The following QSER1 variants were observed in gnomAD, a reference collection of about 807,000 sequenced individuals.
QSER1 encodes glutamine and serine rich 1, also known as glutamine and serine-rich protein 1.
A neutral mutation model predicts 158.5 loss-of-function variants in QSER1; 49 were observed. That is an observed-to-expected ratio of 0.31 (90% confidence interval 0.25 to 0.39). The LOEUF is 0.39. Among genes scored for constraint, QSER1 ranks in the 10% least tolerant of loss-of-function variants. QSER1 has a pLI of 1.00. For missense variants in QSER1, 1,754 were observed against 2,010.3 expected (o/e 0.87, Z 2.44); for synonymous variants, 650 against 715.5 (o/e 0.91, Z 1.46).
chr11:32,931,901 A>C lies in QSER1; in HGVS notation c.643A>C (p.Asn215His). The C allele has an allele frequency of 6.2e-7, 1 of 1,614,168 alleles. No homozygotes were observed. The highest frequency in any genetic ancestry group is 8.5e-7 in the Non-Finnish European group (1 of 1,180,024). Residue 215 changes from asparagine to histidine, a missense_variant, in exon 4 of 13, where the codon AAC (asparagine) becomes CAC (histidine). Physicochemically the swap from Asn to His is moderately conservative, Grantham distance 68. This residue lies in a region of QSER1 where 1,707 missense variants were observed against 1,919.6 expected (regional missense o/e 0.89). Transcript: ENST00000650167. ...SPLVLQDSTF[N>H]TTSNGILSHH... ...TTTGGTGCTTCAGGATTCAACTTTT[A>C]ACACTACATCAAATGGAATTTTAAG...
chr11:32,948,069 T>A (rs1338027000), intron 4 of QSER1, among the ~76,000 whole-genome samples: 1 of 152,220 alleles, frequency 6.6e-6, no homozygotes, highest in Non-Finnish European at 1.5e-5. Flanking sequence ...CAGTATTCCC[T>A]GGGTACAGTG....
At chr11:32,897,228 A>G (rs927269406) in intron 1 of QSER1, among the ~76,000 whole-genome samples, 1 of 152,212 alleles carries the variant, frequency 6.6e-6, no homozygotes, top group Admixed American at 6.5e-5. Context: ...GGATAGAGAC[A>G]TGAAGTAATT....
chr11:32,955,482 T>C (rs74893802), intron 6 of QSER1, 70 bp downstream of exon 6: 17,339 of 724,822 alleles, frequency 0.024, 320 homozygotes, highest in South Asian at 0.037. Context: ...GATTTAAATA[T>C]AGAAGTATTT....
rs1852983542 is a variant in QSER1 at position 32,976,650 on chromosome 11, C to T, written c.*176C>T. On this transcript the variant is annotated 3_prime_UTR_variant, in exon 13 of 13. Coordinates refer to ENST00000650167, the MANE Select transcript of QSER1 (RefSeq NM_001076786.3). ...TGCGGCCTTTAGGAACGAAGTTAGTCCTCTGGAAATGGACCTAAATCCCAC... is the reference window on the plus strand; with the variant it reads ...TGCGGCCTTTAGGAACGAAGTTAGTTCTCTGGAAATGGACCTAAATCCCAC... 3.2e-6 allele frequency: 2 copies of T among 631,398 alleles called. No individual in the cohort carries two copies. The highest frequency in any genetic ancestry group is 3.8e-5 in the Admixed American group (1 of 26,552). The allele number at this position is 631,398 out of a possible 1,614,324, so 39.1% of individuals were successfully genotyped here.
intron 7 of QSER1, 41 bp downstream of exon 7, chr11:32,956,162 G>A (rs1335713050): frequency 2.0e-6 from 3 of 1,509,584 alleles, no homozygotes; most frequent in Non-Finnish European, 2.7e-6. Context: ...CATATATATA[G>A]GTGTATTATT....
chr11:32,957,893 T>C lies in QSER1; in HGVS notation c.4776T>C (p.Ser1592=). The stretch of plus-strand genomic sequence containing the variant: ...GAACTGTTCAAGCTAAGCCAAGTAG[T>C]AGCAGTAAAACTTCTGATCCTCTAG... ...TIRTVQAKPS[S]SSKTSDPLAS... The change falls in exon 8 of 13, where the codon AGT becomes AGC. Residue 1592 remains serine (S), a synonymous_variant. Coordinates refer to ENST00000650167, the MANE Select transcript of QSER1 (RefSeq NM_001076786.3). The C allele has an allele frequency of 6.2e-7, 1 of 1,614,124 alleles. No individual in the cohort carries two copies. Among genetic ancestry groups the C allele is most frequent in the African/African-American group, 1.3e-5 (1 of 75,064 alleles).
intron 11 of QSER1, among the ~76,000 whole-genome samples, chr11:32,974,156 C>G (rs1590191437): frequency 6.6e-6 from 1 of 152,202 alleles, no homozygotes; most frequent in African/African-American, 2.4e-5. Context: ...CACAATGGCT[C>G]AAGCCTATAA....
intron 1 of QSER1, among the ~76,000 whole-genome samples, chr11:32,909,819 G>C (rs1851743434): frequency 1.3e-5 from 2 of 151,238 alleles, no homozygotes; most frequent in Non-Finnish European, 2.9e-5. Flanking sequence ...TCGTGTGTAT[G>C]GGGGGGGTGT....
At position 32,927,227 on chromosome 11, in the gene QSER1, T is replaced by G. The variant is rs1267585625; in HGVS notation, c.280T>G (p.Ser94Ala). The G allele has an allele frequency of 1.3e-5, 2 of 152,630 alleles. No homozygotes were observed. The highest frequency in any genetic ancestry group is 4.8e-5 in the African/African-American group (2 of 41,432). 9.5% of individuals were successfully genotyped at this position (152,630 alleles called of 1,614,324 possible). A position where few individuals can be genotyped will look rare whatever the true frequency, so the allele number is the denominator to read the frequency against. The change falls in exon 2 of 13, where the codon TCT becomes GCT. Residue 94 changes from serine to alanine, a missense_variant. Transcript: ENST00000650167. ...CCTTCAGAGACAGAGTTTTGCAGCC[T>G]CTCATCAGCTTCCTGGATATGCTCC... ...DLLQRQSFAA[S>A]HQLPGYAPTP...
chr11:32,946,775 G>C (rs1852340264), intron 4 of QSER1, among the ~76,000 whole-genome samples: 1 of 152,040 alleles, frequency 6.6e-6, no homozygotes, highest in African/African-American at 2.4e-5. Flanking sequence ...AAGCTTCCCG[G>C]CTGCTTTGTT....
At chr11:32,975,768 T>C in intron 12 of QSER1, 2 of 502,516 alleles carry the variant, frequency 4.0e-6, no homozygotes, top group Non-Finnish European at 5.6e-6. Flanking sequence ...TGCCTTGGCA[T>C]GAAAAACTGA....
intron 4 of QSER1, among the ~76,000 whole-genome samples, chr11:32,951,510 A>G (rs1453755971): frequency 6.6e-6 from 1 of 152,158 alleles, no homozygotes; most frequent in Non-Finnish European, 1.5e-5. Context: ...TCCATAGGTC[A>G]GTTTGGGGAA....
chr11:32,935,609 G>A (rs1235245731), intron 4 of QSER1, among the ~76,000 whole-genome samples, 174 bp downstream of exon 4: 1 of 152,190 alleles, frequency 6.6e-6, no homozygotes, highest in African/African-American at 2.4e-5. Flanking sequence ...CTATAGGAAA[G>A]GTCTATGTTT....
chr11:32,970,324 G>T (rs182894318), intron 10 of QSER1, among the ~76,000 whole-genome samples: 13 of 152,082 alleles, frequency 8.5e-5, no homozygotes, highest in Middle Eastern at 6.8e-3. Context: ...CCATGTATTC[G>T]CAGGAAGAAA....
intron 1 of QSER1, among the ~76,000 whole-genome samples, chr11:32,902,210 T>G (rs1851634603): frequency 6.6e-6 from 1 of 152,218 alleles, no homozygotes; most frequent in South Asian, 2.1e-4. Flanking sequence ...CCCTGAGATC[T>G]GAGGAAGCAG....
At chr11:32,938,908 A>G (rs755646181) in intron 4 of QSER1, among the ~76,000 whole-genome samples, 1 of 152,202 alleles carries the variant, frequency 6.6e-6, no homozygotes, top group African/African-American at 2.4e-5. Context: ...GATGGTACAC[A>G]GTTGTCTAAC....
intron 1 of QSER1, among the ~76,000 whole-genome samples, chr11:32,913,395 G>T (rs377052126): frequency 1.3e-5 from 2 of 151,718 alleles, no homozygotes; most frequent in African/African-American, 2.4e-5. Flanking sequence ...AGGTTTCATC[G>T]TGTTAGCCAG....
Position 32,933,609 on chromosome 11 carries a change from T to C in QSER1, c.2351T>C (p.Leu784Pro). 1 of 1,614,032 alleles carries C rather than the reference T, an allele frequency of 6.2e-7. No homozygotes were observed. The highest frequency in any genetic ancestry group is 8.5e-7 in the Non-Finnish European group (1 of 1,179,946). The change falls in exon 4 of 13, where the codon CTT (leucine) becomes CCT (proline). Residue 784 changes from leucine (L) to proline (P), a missense_variant. Physicochemically the swap from Leu to Pro is moderately conservative, Grantham distance 98. Around this residue, in one of 2 missense-constraint regions of QSER1, gnomAD observed 1,707 missense variants for 1,919.6 expected, o/e 0.89. Transcript: ENST00000650167. ...GGCCAAGTCAATAATGCAGCTACCC[T>C]TGATCTTAAGAACTCAACTAATTTA... The part of the protein sequence containing the change: ...QIGQVNNAAT[L>P]DLKNSTNLIQ...
chr11:32,945,563 C>T (rs1258455417), intron 4 of QSER1, among the ~76,000 whole-genome samples: 1 of 152,050 alleles, frequency 6.6e-6, no homozygotes, highest in African/African-American at 2.4e-5. Flanking sequence ...TGAATATTGG[C>T]CCCCACTCTC....
Sources: allele counts gnomAD v4.1 joint callset (sites outside exome capture counted in the v4.1 genomes callset), GRCh38; gene constraint gnomAD v4.1.1; regional missense constraint gnomAD v4.1.1; transcripts MANE v1.5; gene names NCBI Gene and HGNC (gene_info 2026-07-23, HGNC 2026-07-21).